Variants in TEX36 observed in about 807,000 individuals in gnomAD.
TEX36 encodes the protein testis-expressed protein 36.
Under a neutral mutation model 13.6 loss-of-function variants are expected in TEX36, and 12 were observed. The ratio of observed to expected loss-of-function variants is 0.88; its 90% CI spans 0.56 to 1.43. TEX36 has a LOEUF of 1.43. Ranked by LOEUF, TEX36 falls within the 40% of genes most tolerant of loss-of-function variation. The pLI is 0.00. For synonymous variants in TEX36, 93 were observed against 83.0 expected, an observed-to-expected ratio of 1.12 and a Z score of -0.65; for missense variants, 224 against 228.3, an observed-to-expected ratio of 0.98 and a Z score of 0.12.
intron 3 of TEX36, among the ~76,000 whole-genome samples, chr10:125,580,217 C>T (rs1443293858): frequency 6.6e-6 from 1 of 152,140 alleles, no homozygotes; most frequent in African/African-American, 2.4e-5. Flanking sequence ...TGAAAGGATC[C>T]CTTTAACACT....
intron 3 of TEX36, among the ~76,000 whole-genome samples, chr10:125,623,579 GAAAA>G (rs531089481): frequency 1.1e-5 from 1 of 94,158 alleles, no homozygotes; most frequent in African/African-American, 3.5e-5. Context: ...GTTTCCAAAT[GAAAA>G]AAAAAAAAAA....
chr10:125,667,651 G>T, intron 1 of TEX36: 1 of 719,446 alleles, frequency 1.4e-6, no homozygotes, highest in South Asian at 1.5e-5. Context: ...CACCACCCTT[G>T]GACATGACAA....
chr10:125,635,002 A>G (rs964117338), intron 3 of TEX36, among the ~76,000 whole-genome samples: 5 of 152,192 alleles, frequency 3.3e-5, no homozygotes, highest in African/African-American at 7.2e-5. Context: ...GGATGGAATG[A>G]TGAGGTCTTC....
intron 3 of TEX36, among the ~76,000 whole-genome samples, chr10:125,596,369 A>C (rs1374340698): frequency 6.6e-6 from 1 of 152,180 alleles, no homozygotes; most frequent in Non-Finnish European, 1.5e-5. Flanking sequence ...AGGAAAGGGA[A>C]GAGGAGGAAG....
downstream of TEX36, among the ~76,000 whole-genome samples, chr10:125,621,126 T>C (rs1027297299): frequency 6.6e-6 from 1 of 152,218 alleles, no homozygotes; most frequent in African/African-American, 2.4e-5. Context: ...TGCAAGTATC[T>C]TCTGGGTATA....
chr10:125,607,744 G>A (rs1589752242), intron 3 of TEX36, among the ~76,000 whole-genome samples: 1 of 151,906 alleles, frequency 6.6e-6, no homozygotes, highest in Non-Finnish European at 1.5e-5. Flanking sequence ...CTAGTATAGT[G>A]CCCAGCACAT....
intron 3 of TEX36, among the ~76,000 whole-genome samples, chr10:125,587,390 C>T (rs999232414): frequency 1.7e-4 from 26 of 152,158 alleles, no homozygotes; most frequent in African/African-American, 6.3e-4. Flanking sequence ...ATTAAACTTA[C>T]ACAGTTGAAA....
chr10:125,636,306 C>T (rs1175860163), intron 3 of TEX36, among the ~76,000 whole-genome samples: 3 of 149,850 alleles, frequency 2.0e-5, no homozygotes, highest in Non-Finnish European at 4.4e-5. Flanking sequence ...CCCGGGTTCA[C>T]GCCATTCTCC....
downstream of TEX36, among the ~76,000 whole-genome samples, chr10:125,653,655 T>A (rs183142367): frequency 0.021 from 3,261 of 151,926 alleles, 130 homozygotes; most frequent in African/African-American, 0.074. Context: ...TAAAAATTTT[T>A]AAAAAAAGAA....
chr10:125,674,766 A>T (rs1420497103), intron 1 of TEX36, among the ~76,000 whole-genome samples: 2 of 152,206 alleles, frequency 1.3e-5, no homozygotes, highest in East Asian at 3.8e-4. Context: ...CCACCAGTGG[A>T]GGCTGCAGAA....
chr10:125,682,287 C>T (rs1276657118), intron 1 of TEX36, among the ~76,000 whole-genome samples: 1 of 152,174 alleles, frequency 6.6e-6, no homozygotes, highest in African/African-American at 2.4e-5. Flanking sequence ...AGTGAAAAAT[C>T]CCACAGGCTC....
intron 3 of TEX36, among the ~76,000 whole-genome samples, chr10:125,612,993 C>T (rs972815461): frequency 7.9e-5 from 12 of 151,928 alleles, no homozygotes; most frequent in African/African-American, 2.7e-4. Flanking sequence ...CCACCAAAAG[C>T]CTGCTCTGGT....
chr10:125,667,112 C>T, intron 1 of TEX36: 2 of 846,580 alleles, frequency 2.4e-6, no homozygotes, highest in Non-Finnish European at 3.9e-6. Context: ...TTGATGGATG[C>T]CTCCTCCTCA....
chr10:125,659,400 C>A lies in TEX36; in HGVS notation c.264+1621G>T, dbSNP rs138234195. 2.6e-5 allele frequency among the ~76,000 whole-genome samples: 4 copies of A among 152,224 alleles called. 1 individual carries two copies. Among genetic ancestry groups the A allele is most frequent in the South Asian group, 4.2e-4 (2 of 4,818 alleles). On this transcript the variant is annotated intron_variant, in intron 3 of 3. Coordinates refer to ENST00000368821, the MANE Select transcript of TEX36 (RefSeq NM_001128202.3). ...AAACTCTCAAATTTTACCCACAAAACCATTACTAGCAGTGAATCGTCAAGG... is the reference window on the plus strand; with the variant it reads ...AAACTCTCAAATTTTACCCACAAAAACATTACTAGCAGTGAATCGTCAAGG...
intron 3 of TEX36, among the ~76,000 whole-genome samples, chr10:125,622,825 C>T (rs1846444348): frequency 6.6e-6 from 1 of 152,214 alleles, no homozygotes; most frequent in Non-Finnish European, 1.5e-5. Context: ...GAACTCTCTT[C>T]TTAACCTGTT....
intron 3 of TEX36, among the ~76,000 whole-genome samples, chr10:125,658,265 C>A (rs1485180486): frequency 6.6e-6 from 1 of 151,864 alleles, no homozygotes; most frequent in East Asian, 1.9e-4. Flanking sequence ...GTAATAGTGA[C>A]AATGCCAGTA....
At chr10:125,638,417 G>T (rs1322285253) in intron 3 of TEX36, among the ~76,000 whole-genome samples, 3 of 152,178 alleles carry the variant, frequency 2.0e-5, no homozygotes, top group Non-Finnish European at 4.4e-5. Context: ...AGATGGCAGT[G>T]AGAGAAGGTC....
intron 3 of TEX36, among the ~76,000 whole-genome samples, chr10:125,589,104 A>G (rs747367601): frequency 6.6e-5 from 10 of 152,214 alleles, no homozygotes; most frequent in Non-Finnish European, 1.0e-4. Flanking sequence ...GATTTTCAGC[A>G]TCTTCCCATA....
chr10:125,623,268 CACT>C (rs984535158), intron 3 of TEX36, among the ~76,000 whole-genome samples: 3 of 152,156 alleles, frequency 2.0e-5, no homozygotes, highest in African/African-American at 7.2e-5. Flanking sequence ...AGCATGAGCT[CACT>C]GCTGCTCTGG....
Sources: allele counts gnomAD v4.1 joint callset (sites outside exome capture counted in the v4.1 genomes callset), GRCh38; gene constraint gnomAD v4.1.1; transcripts MANE v1.5; gene names NCBI Gene and HGNC (gene_info 2026-07-23, HGNC 2026-07-21).